The following SIPA1L3 variants were observed in gnomAD, a reference collection of about 807,000 sequenced individuals.
SIPA1L3 encodes signal induced proliferation associated 1 like 3.
SIPA1L3 carries 59 observed loss-of-function variants against 150.1 expected under a neutral mutation model. The ratio of observed to expected loss-of-function variants is 0.39; its 90% CI spans 0.32 to 0.49. The LOEUF is 0.49. Ranked by LOEUF, SIPA1L3 falls within the 20% of genes least tolerant of loss-of-function variation. The pLI, the probability that SIPA1L3 is intolerant of heterozygous loss-of-function variation, is 0.86. For missense variants in SIPA1L3, 2,211 were observed against 2,489.5 expected (o/e 0.89, Z 2.38); for synonymous variants, 1,070 against 1,077.6 (o/e 0.99, Z 0.14).
Position 37,940,598 on chromosome 19 carries a change from T to C in SIPA1L3, c.-379+33240T>C, listed in dbSNP as rs73633136. Among the ~76,000 whole-genome samples, 901 of 152,302 alleles carry C rather than the reference T, an allele frequency of 5.9e-3. 10 individuals are homozygous for C. The highest frequency in any genetic ancestry group is 0.021 in the African/African-American group (852 of 41,560). ...ACCCAACAGGGCTCACCATTGGAGT[T>C]GGTTCATCTGCGTGTGAAGCCTCAT... On this transcript the variant is annotated intron_variant, in intron 1 of 21. Transcript: ENST00000222345.
At chr19:37,969,060 G>T (rs140559268) in intron 1 of SIPA1L3, among the ~76,000 whole-genome samples, 1 of 152,168 alleles carries the variant, frequency 6.6e-6, no homozygotes, top group African/African-American at 2.4e-5. Flanking sequence ...ATATGCTCCA[G>T]TGCTTAAAAT....
chr19:37,964,717 C>G (rs1413490559), intron 1 of SIPA1L3: 1 of 152,110 alleles, frequency 6.6e-6, no homozygotes, highest in Non-Finnish European at 1.5e-5. Flanking sequence ...AGGCTGGTCT[C>G]GAACTCCTGA....
chr19:38,180,711 T>C (rs1282055156), intron 15 of SIPA1L3, among the ~76,000 whole-genome samples: 2 of 151,922 alleles, frequency 1.3e-5, no homozygotes, highest in African/African-American at 4.8e-5. Flanking sequence ...ACCTGGCTAA[T>C]TTTTTTGTAT....
chr19:38,136,736 TGGGATG>T (rs1971445435), intron 10 of SIPA1L3, among the ~76,000 whole-genome samples: 1 of 152,192 alleles, frequency 6.6e-6, no homozygotes, highest in African/African-American at 2.4e-5. Flanking sequence ...GCGTGTAATC[TGGGATG>T]GGGCCCAGGA....
At chr19:38,175,124 GC>G in intron 15 of SIPA1L3, among the ~76,000 whole-genome samples, 1 of 151,996 alleles carries the variant, frequency 6.6e-6, no homozygotes, top group East Asian at 1.9e-4. Context: ...ATCTCCCTGG[GC>G]CTCAGTTTCC....
chr19:38,107,697 C>T lies in SIPA1L3; in HGVS notation c.2133+1057C>T, dbSNP rs1288642717. Among the ~76,000 whole-genome samples, 3 of 152,208 alleles carry T rather than the reference C, an allele frequency of 2.0e-5. No homozygotes were observed. In the East Asian group the frequency reaches 5.8e-4, roughly 29 times the overall value. On this transcript the variant is annotated intron_variant, in intron 7 of 21. Transcript: ENST00000222345. ...TGCTATTAAGAGCTTTGGTCTTAGG[C>T]CAGGCTTGGTGGCTCATGCCTGTGA...
At chr19:38,166,372 G>A (rs1260362927) in intron 15 of SIPA1L3, among the ~76,000 whole-genome samples, 3 of 151,334 alleles carry the variant, frequency 2.0e-5, no homozygotes, top group Non-Finnish European at 4.4e-5. Context: ...CAGGAGAATC[G>A]CTTGAACCCA....
chr19:38,121,603 G>A (rs1235523777), intron 9 of SIPA1L3, among the ~76,000 whole-genome samples: 5 of 151,900 alleles, frequency 3.3e-5, no homozygotes, highest in Non-Finnish European at 1.5e-5. Flanking sequence ...GCCAGGCATG[G>A]TGGCGGGTGC....
At chr19:37,913,440 C>G (rs972768831) in intron 1 of SIPA1L3, among the ~76,000 whole-genome samples, 22 of 152,126 alleles carry the variant, frequency 1.4e-4, no homozygotes, top group African/African-American at 5.3e-4. Context: ...TGGAGTCTCG[C>G]TGTCACCCAG....
intron 1 of SIPA1L3, among the ~76,000 whole-genome samples, chr19:38,016,439 T>C (rs921019597): frequency 6.6e-6 from 1 of 152,176 alleles, no homozygotes; most frequent in African/African-American, 2.4e-5. Context: ...GATGACATCA[T>C]CAACTACCCA....
intron 8 of SIPA1L3, among the ~76,000 whole-genome samples, chr19:38,118,564 C>T (rs1009063045): frequency 4.6e-5 from 7 of 151,468 alleles, no homozygotes; most frequent in Non-Finnish European, 5.9e-5. Flanking sequence ...GAGACAGTCT[C>T]GATCTGTGCC....
chr19:38,110,874 G>A (rs1210197954), intron 8 of SIPA1L3, among the ~76,000 whole-genome samples: 2 of 152,042 alleles, frequency 1.3e-5, no homozygotes, highest in Non-Finnish European at 2.9e-5. Flanking sequence ...CTGTCCTAGA[G>A]CCAAAATCAC....
chr19:37,920,232 A>T (rs2145481308), intron 1 of SIPA1L3, among the ~76,000 whole-genome samples: 1 of 151,114 alleles, frequency 6.6e-6, no homozygotes, highest in East Asian at 2.0e-4. Flanking sequence ...CTAATTTTTA[A>T]TTTTTTTGTA....
chr19:38,104,665 G>C (rs1486756278), intron 6 of SIPA1L3, among the ~76,000 whole-genome samples: 1 of 152,070 alleles, frequency 6.6e-6, no homozygotes, highest in Non-Finnish European at 1.5e-5. Flanking sequence ...TTCACCTCCT[G>C]GTTTCAAGGG....
At chr19:38,201,267 G>A (rs562018413) in intron 19 of SIPA1L3, among the ~76,000 whole-genome samples, 2 of 152,346 alleles carry the variant, frequency 1.3e-5, no homozygotes, top group Admixed American at 6.5e-5. Context: ...GTTTGAAAAC[G>A]CAAACAGCTC....
chr19:38,082,656 A>C lies in SIPA1L3; in HGVS notation c.1091A>C (p.Gln364Pro), dbSNP rs1007841463. ...EAAANRVSVS[Q>P]RRNTTTGASA... ...GCCGCCAACAGGGTGTCGGTGTCGC[A>C]GCGGCGGAACACCACCACGGGTGCT... The change falls in exon 3 of 22, where the codon CAG becomes CCG. Residue 364 changes from glutamine (Q) to proline (P), a missense_variant. Coordinates refer to ENST00000222345, the MANE Select transcript of SIPA1L3 (RefSeq NM_015073.3). The C allele has an allele frequency of 1.9e-6, 3 of 1,607,160 alleles. No homozygotes were observed. Among genetic ancestry groups the C allele is most frequent in the African/African-American group, 2.7e-5 (2 of 74,908 alleles).
chr19:38,141,271 C>G lies in SIPA1L3; in HGVS notation c.3231C>G (p.Arg1077=), dbSNP rs1462904237. ...SITPGGRPPY[R]SNAPWQWSGP... is the part of the protein sequence containing the mutation. ...CTCCTGGGGGCCGGCCCCCCTACCGCAGCAATGCTCCCTGGCAGTGGAGCG... is the reference window on the plus strand; with the variant it reads ...CTCCTGGGGGCCGGCCCCCCTACCGGAGCAATGCTCCCTGGCAGTGGAGCG... The change falls in exon 11 of 22, where the codon CGC becomes CGG. Residue 1077 remains arginine, a synonymous_variant. Transcript: ENST00000222345. The G allele has an allele frequency of 6.2e-7, 1 of 1,613,872 alleles. No individual in the cohort carries two copies. Among genetic ancestry groups the G allele is most frequent in the Admixed American group, 1.7e-5 (1 of 59,982 alleles).
chr19:38,030,770 A>G lies in SIPA1L3; in HGVS notation c.-311+1614A>G, dbSNP rs1599928625. On this transcript the variant is annotated intron_variant, in intron 2 of 21. Coordinates refer to ENST00000222345, the MANE Select transcript of SIPA1L3 (RefSeq NM_015073.3). ...TTGTTTCTGTGGGTGGGTTCTAAGC[A>G]GTGGCATGGGCCCCCAGCTGCATGT... 2.0e-5 allele frequency among the ~76,000 whole-genome samples: 3 copies of G among 152,124 alleles called. No individual in the cohort carries two copies. The South Asian group carries it at 6.2e-4, about 32-fold the overall frequency.
chr19:37,959,112 A>G (rs995748700), intron 1 of SIPA1L3, among the ~76,000 whole-genome samples: 1 of 152,196 alleles, frequency 6.6e-6, no homozygotes, highest in African/African-American at 2.4e-5. Flanking sequence ...TTGGAAAACA[A>G]TTTGGCAGTT....
Sources: allele counts gnomAD v4.1 joint callset (sites outside exome capture counted in the v4.1 genomes callset), GRCh38; gene constraint gnomAD v4.1.1; transcripts MANE v1.5; gene names NCBI Gene and HGNC (gene_info 2026-07-23, HGNC 2026-07-21).